GCA: variants seen among roughly 807,000 people sequenced by gnomAD.
The protein encoded by GCA is grancalcin, also known as grancalcin, EF-hand calcium-binding protein.
GCA carries 30 observed loss-of-function variants against 32.6 expected under a neutral mutation model. The observed-to-expected ratio is 0.92, with a 90% confidence interval of 0.69 to 1.25. The LOEUF (loss-of-function observed/expected upper bound fraction) is 1.25. Ranked by LOEUF, GCA falls within the 50% of genes most tolerant of loss-of-function variation. The pLI, the probability that GCA is intolerant of heterozygous loss-of-function variation, is 0.00. For synonymous variants in GCA, 102 were observed against 84.6 expected (o/e 1.21, Z -1.13); for missense variants, 291 against 266.8 (o/e 1.09, Z -0.63).
At chr2:162,374,088 G>C (rs1361140419), downstream of GCA, among the ~76,000 whole-genome samples, 1 of 152,098 alleles carries the variant, frequency 6.6e-6, no homozygotes, top group Non-Finnish European at 1.5e-5. Flanking sequence ...AGCATCCCAG[G>C]ATAATTTCTT....
Position 162,359,492 on chromosome 2 carries a change from A to G in GCA, c.569-2A>G. The stretch of plus-strand genomic sequence containing the variant: ...ATAAAAAAGTAATTTCTTTGTTTAA[A>G]GATTTCTTTAGGAAAAGAGACCACT... On this transcript the variant is annotated splice_acceptor_variant, in intron 6 of 7. Coordinates refer to ENST00000437150, the MANE Select transcript of GCA (RefSeq NM_012198.5). LOFTEE classifies it high-confidence loss of function. 1 of 1,450,154 alleles carries G rather than the reference A, an allele frequency of 6.9e-7. No individual in the cohort carries two copies. The highest frequency in any genetic ancestry group is 9.6e-7 in the Non-Finnish European group (1 of 1,044,704). 89.8% of individuals were successfully genotyped at this position (1,450,154 alleles called of 1,614,324 possible). A position where few individuals can be genotyped will look rare whatever the true frequency, so the allele number is the denominator to read the frequency against.
intron 1 of GCA, among the ~76,000 whole-genome samples, chr2:162,328,776 C>T (rs1183410838): frequency 6.6e-6 from 1 of 152,162 alleles, no homozygotes; most frequent in East Asian, 1.9e-4. Flanking sequence ...GCGTTCTTGC[C>T]TTGGTGTACT....
chr2:162,354,781 T>C (rs944864982), intron 3 of GCA, among the ~76,000 whole-genome samples: 1 of 152,152 alleles, frequency 6.6e-6, no homozygotes, highest in Non-Finnish European at 1.5e-5. Flanking sequence ...TTGTTTCCTG[T>C]CTAATTCTCT....
intron 4 of GCA, among the ~76,000 whole-genome samples, chr2:162,369,477 A>C (rs1685854596): frequency 6.6e-6 from 1 of 152,090 alleles, no homozygotes; most frequent in Non-Finnish European, 1.5e-5. Context: ...GCTAGAATTT[A>C]AATAAACTGG....
chr2:162,346,450 A>G (rs945937500), intron 1 of GCA: 3 of 152,306 alleles, frequency 2.0e-5, no homozygotes, highest in Non-Finnish European at 4.4e-5. Flanking sequence ...GGCACAGACT[A>G]TTTCTCCACT....
At chr2:162,326,131 C>G (rs117975688) in intron 1 of GCA, among the ~76,000 whole-genome samples, 1 of 152,170 alleles carries the variant, frequency 6.6e-6, no homozygotes, top group Non-Finnish European at 1.5e-5. Context: ...CCCTTGCAGC[C>G]TTCCCTGAGA....
chr2:162,359,238 T>G, intron 6 of GCA, 81 bp downstream of exon 6: 1 of 798,788 alleles, frequency 1.3e-6, no homozygotes, highest in Non-Finnish European at 2.1e-6. Flanking sequence ...TCCAGCAAGT[T>G]TATAATAATA....
chr2:162,344,072 C>G (rs1336290988), upstream of GCA: 1 of 652,912 alleles, frequency 1.5e-6, no homozygotes, highest in African/African-American at 1.8e-5. Context: ...CAATCGGAAC[C>G]GTGCAGGGCG....
downstream of GCA, among the ~76,000 whole-genome samples, chr2:162,364,160 A>C (rs1470775061): frequency 1.3e-5 from 2 of 151,510 alleles, no homozygotes; most frequent in African/African-American, 4.8e-5. Context: ...ATAAAAATGT[A>C]AGTATGTACA....
At chr2:162,328,911 T>G (rs1388926981) in intron 1 of GCA, among the ~76,000 whole-genome samples, 15 of 152,160 alleles carry the variant, frequency 9.9e-5, no homozygotes, top group Non-Finnish European at 1.0e-4. Flanking sequence ...GTTGGGCCTC[T>G]CAGTGGCCTG....
intron 1 of GCA, among the ~76,000 whole-genome samples, chr2:162,321,655 T>C (rs1336066718): frequency 1.3e-5 from 2 of 151,994 alleles, no homozygotes; most frequent in Non-Finnish European, 2.9e-5. Context: ...TCTTAATTGC[T>C]GTGCTTTGAA....
upstream of GCA, chr2:162,344,040 G>C (rs565566323): frequency 9.9e-6 from 6 of 607,390 alleles, no homozygotes; most frequent in African/African-American, 1.1e-4. Flanking sequence ...AGCTGAGTTG[G>C]CTCCAAAGTG....
At chr2:162,324,547 C>T (rs1287916389) in intron 1 of GCA, among the ~76,000 whole-genome samples, 2 of 152,180 alleles carry the variant, frequency 1.3e-5, no homozygotes, top group African/African-American at 4.8e-5. Flanking sequence ...TTGAGTCCAG[C>T]TGCCTCTGTG....
At chr2:162,327,882 A>G (rs1683941395) in intron 1 of GCA, among the ~76,000 whole-genome samples, 1 of 152,210 alleles carries the variant, frequency 6.6e-6, no homozygotes. Context: ...AAAAAGTGAC[A>G]AAAAGACAAC....
rs916330929 is a variant in GCA at position 162,344,149 on chromosome 2, C to A, written c.-100C>A. ...GTGCGGTTAGTGCGCCTTTCAGCCT[C>A]ACCTGCAGCTGCGCCTCCTTGCACC... On this transcript the variant is annotated 5_prime_UTR_variant, in exon 1 of 8. Coordinates refer to ENST00000437150, the MANE Select transcript of GCA (RefSeq NM_012198.5). 3 of 1,297,784 alleles carry A rather than the reference C, an allele frequency of 2.3e-6. No homozygotes were observed. The highest frequency in any genetic ancestry group is 3.3e-6 in the Non-Finnish European group (3 of 899,736). The allele number at this position is 1,297,784 out of a possible 1,614,324, so 80.4% of individuals were successfully genotyped here. A position where few individuals can be genotyped will look rare whatever the true frequency, so the allele number is the denominator to read the frequency against.
downstream of GCA, among the ~76,000 whole-genome samples, chr2:162,367,665 A>G (rs1230823345): frequency 3.3e-5 from 5 of 152,036 alleles, no homozygotes; most frequent in Admixed American, 3.3e-4. Context: ...TTCTGAATCA[A>G]AAACTTTCAT....
chr2:162,345,801 T>C (rs955950157), intron 1 of GCA, among the ~76,000 whole-genome samples: 1 of 152,218 alleles, frequency 6.6e-6, no homozygotes. Flanking sequence ...GGGATAAAAC[T>C]TACATGATTT....
At position 162,361,629 on chromosome 2, in the gene GCA, C is replaced by T. The variant is rs1225422462; in HGVS notation, c.*1386C>T. ...CTGGAAAGGAAGTAACGCATAGTCA[C>T]TTGACACTGATAATTTTATATAATT... is the stretch of plus-strand genomic sequence containing the variant. On this transcript the variant is annotated 3_prime_UTR_variant, in exon 8 of 8. Coordinates refer to ENST00000437150, the MANE Select transcript of GCA (RefSeq NM_012198.5). 1 of 983,566 alleles carries T rather than the reference C, an allele frequency of 1.0e-6. No homozygotes were observed. The highest frequency in any genetic ancestry group is 1.2e-6 in the Non-Finnish European group (1 of 828,560). 60.9% of individuals were successfully genotyped at this position (983,566 alleles called of 1,614,324 possible).
chr2:162,372,021 G>A, downstream of GCA: 2 of 1,612,468 alleles, frequency 1.2e-6, no homozygotes, highest in Non-Finnish European at 1.7e-6. Context: ...CTGAAGCTGT[G>A]TTCAGATGCA....
Sources: allele counts gnomAD v4.1 joint callset (sites outside exome capture counted in the v4.1 genomes callset), GRCh38; gene constraint gnomAD v4.1.1; transcripts MANE v1.5; gene names NCBI Gene and HGNC (gene_info 2026-07-23, HGNC 2026-07-21).